The following PHLPP2 variants were observed in gnomAD, a reference collection of about 807,000 sequenced individuals.
PHLPP2 encodes the protein PH domain leucine-rich repeat-containing protein phosphatase 2.
PHLPP2 carries 66 observed loss-of-function variants against 124.9 expected under a neutral mutation model. The ratio of observed to expected loss-of-function variants is 0.53; its 90% CI spans 0.43 to 0.65. The LOEUF (loss-of-function observed/expected upper bound fraction) is 0.65. Ranked by LOEUF, PHLPP2 falls within the 30% of genes least tolerant of loss-of-function variation. PHLPP2 has a pLI of 0.00. For missense variants in PHLPP2, 1,685 were observed against 1,600.4 expected (o/e 1.05, Z -0.90); for synonymous variants, 681 against 624.7 (o/e 1.09, Z -1.34).
rs1231154398 is a variant in PHLPP2 at position 71,649,668 on chromosome 16, GGGGCATCCTTGATAGTGGT to G, written c.3175_3193del (p.Thr1059LeufsTer25). 1.2e-6 allele frequency: 2 copies of G among 1,614,004 alleles called. No individual in the cohort carries two copies. The highest frequency in any genetic ancestry group is 1.7e-6 in the Non-Finnish European group (2 of 1,180,026). On this transcript the variant is annotated frameshift_variant, in exon 19 of 19. Coordinates refer to ENST00000568954, the MANE Select transcript of PHLPP2 (RefSeq NM_015020.3). LOFTEE classifies it high-confidence loss of function. ...GCTAGAGGATGGAGTGGCTGGCTTA[GGGGCATCCTTGATAGTGGT>G]GGTTGAAGCAAATCCCACAGGACCT...
At chr16:71,685,031 C>T (rs1052502655) in intron 4 of PHLPP2, among the ~76,000 whole-genome samples, 2 of 152,060 alleles carry the variant, frequency 1.3e-5, no homozygotes, top group African/African-American at 4.8e-5. Flanking sequence ...AAAATAGCTC[C>T]TTAAAGAAAT....
At chr16:71,667,146 T>G (rs2044846278) in intron 12 of PHLPP2, 32 bp downstream of exon 12, 1 of 1,588,676 alleles carries the variant, frequency 6.3e-7, no homozygotes, top group Non-Finnish European at 8.6e-7. Flanking sequence ...CCAATGATTC[T>G]GCTCTTCCGA....
intron 18 of PHLPP2, 101 bp from the exon 19 acceptor site, chr16:71,650,145 A>G: frequency 1.3e-6 from 1 of 798,298 alleles, no homozygotes; most frequent in South Asian, 1.9e-5. Flanking sequence ...AAAACAATTT[A>G]TATATGATTT....
Position 71,688,778 on chromosome 16 carries a change from T to A in PHLPP2, c.609+1741A>T, listed in dbSNP as rs528802988. ...AAGCAACTCTACTTACTTTCTTCACTTTGTCCTTCAGCCCCTAAGACCTCA... is the reference window on the plus strand; with the variant it reads ...AAGCAACTCTACTTACTTTCTTCACATTGTCCTTCAGCCCCTAAGACCTCA... On this transcript the variant is annotated intron_variant, in intron 4 of 18. Coordinates refer to ENST00000568954, the MANE Select transcript of PHLPP2 (RefSeq NM_015020.3). Among the ~76,000 whole-genome samples, 8 of 152,308 alleles carry A rather than the reference T, an allele frequency of 5.3e-5. No homozygotes were observed. In the East Asian group the frequency reaches 1.5e-3, roughly 29 times the overall value.
At chr16:71,651,881 T>C (rs1207821376) in intron 18 of PHLPP2, among the ~76,000 whole-genome samples, 2 of 152,206 alleles carry the variant, frequency 1.3e-5, no homozygotes, top group African/African-American at 4.8e-5. Flanking sequence ...TTTTCACAAA[T>C]ATTAACTCAA....
At chr16:71,708,479 T>C (rs1014139359) in intron 2 of PHLPP2, among the ~76,000 whole-genome samples, 1 of 152,188 alleles carries the variant, frequency 6.6e-6, no homozygotes, top group East Asian at 1.9e-4. Context: ...TGCTGATTCC[T>C]TTTTCCGACT....
chr16:71,723,528 A>C (rs2045411619), intron 1 of PHLPP2: 4 of 170,834 alleles, frequency 2.3e-5, no homozygotes, highest in Non-Finnish European at 2.5e-5. Context: ...GCGCGCGGCC[A>C]GGGATGGGCA....
At chr16:71,712,128 G>C (rs1427607276) in intron 2 of PHLPP2, among the ~76,000 whole-genome samples, 2 of 152,228 alleles carry the variant, frequency 1.3e-5, no homozygotes, top group Non-Finnish European at 2.9e-5. Flanking sequence ...GATTTAATGA[G>C]AAAATGTGCA....
In PHLPP2 at chr16:71,658,301, T is replaced by C. The variant is rs2030868663; in HGVS notation, c.2211A>G (p.Thr737=). ...TTCCAGTCAGGTCAAGGTCTTGTAA[T>C]GTAGCAGGCAAAGCCTCTGGAATCA... is the stretch of plus-strand genomic sequence containing the variant. ...EILIPEALPA[T]LQDLDLTGNT... is the part of the protein sequence containing the mutation. Residue 737 remains threonine, a synonymous_variant, in exon 15 of 19, where the codon ACA becomes ACG. Transcript: ENST00000568954. The C allele has an allele frequency of 1.2e-6, 2 of 1,613,656 alleles. No homozygotes were observed. Among genetic ancestry groups the C allele is most frequent in the Middle Eastern group, 1.6e-4 (1 of 6,082 alleles).
At position 71,647,148 on chromosome 16, in the gene PHLPP2, G is replaced by A. The variant is rs1403225191; in HGVS notation, c.*1742C>T. The A allele has an allele frequency of 6.6e-6, 1 of 152,558 alleles. No individual in the cohort carries two copies. The highest frequency in any genetic ancestry group is 1.5e-5 in the Non-Finnish European group (1 of 68,030). The allele number at this position is 152,558 out of a possible 1,614,324, so 9.5% of individuals were successfully genotyped here. ...CTACTTTATTTTTAATTGTAAAAGT[G>A]TTCCAAAAATTCAAAGCACATTCCC... On this transcript the variant is annotated 3_prime_UTR_variant, in exon 19 of 19. Transcript: ENST00000568954.
intron 2 of PHLPP2, among the ~76,000 whole-genome samples, chr16:71,705,497 T>TTTTTTC (rs780469762): frequency 6.0e-4 from 91 of 152,186 alleles, no homozygotes; most frequent in Middle Eastern, 3.4e-3. Flanking sequence ...CACATGTCTT[T>TTTTTTC]TTTTTCTTTT....
At chr16:71,719,470 G>A (rs889248954) in intron 1 of PHLPP2, among the ~76,000 whole-genome samples, 2 of 152,208 alleles carry the variant, frequency 1.3e-5, no homozygotes, top group East Asian at 3.9e-4. Context: ...AACACAGTAG[G>A]TGGAGACTGC....
intron 16 of PHLPP2, 40 bp downstream of exon 16, chr16:71,656,531 G>T: frequency 1.7e-6 from 2 of 1,194,076 alleles, no homozygotes; most frequent in Non-Finnish European, 2.5e-6. Context: ...GCCAGGGGCT[G>T]CCTTTTTTCT....
chr16:71,700,050 T>C (rs373780565), intron 3 of PHLPP2, among the ~76,000 whole-genome samples: 3 of 152,240 alleles, frequency 2.0e-5, no homozygotes, highest in African/African-American at 7.2e-5. Context: ...GTAAATGGGG[T>C]ACCCCTGTCA....
At chr16:71,659,734 G>C (rs1057222013) in intron 13 of PHLPP2, among the ~76,000 whole-genome samples, 9 of 152,268 alleles carry the variant, frequency 5.9e-5, no homozygotes, top group African/African-American at 2.2e-4. Context: ...ACTTAAGTGA[G>C]ACTAACACCT....
At chr16:71,712,458 T>C (rs1445453002) in intron 2 of PHLPP2, among the ~76,000 whole-genome samples, 1 of 152,224 alleles carries the variant, frequency 6.6e-6, no homozygotes, top group African/African-American at 2.4e-5. Flanking sequence ...TTTCTTCGTA[T>C]TTCTAATATC....
chr16:71,648,467 G>A lies in PHLPP2; in HGVS notation c.*423C>T, dbSNP rs1041724870. 5.6e-6 allele frequency: 1 copy of A among 178,826 alleles called. No homozygotes were observed. Among genetic ancestry groups the A allele is most frequent in the African/African-American group, 2.4e-5 (1 of 42,238 alleles). 11.1% of individuals were successfully genotyped at this position (178,826 alleles called of 1,614,324 possible). On this transcript the variant is annotated 3_prime_UTR_variant, in exon 19 of 19. Coordinates refer to ENST00000568954, the MANE Select transcript of PHLPP2 (RefSeq NM_015020.3). ...TCCGAGTTCAACCCCACACAGCTAT[G>A]GTTTAGAAATGTAGACGCAGGGCTG...
At chr16:71,711,992 T>A (rs1167551810) in intron 2 of PHLPP2, among the ~76,000 whole-genome samples, 1 of 152,262 alleles carries the variant, frequency 6.6e-6, no homozygotes, top group Non-Finnish European at 1.5e-5. Context: ...CTACCTTGAA[T>A]GATTCAGGCA....
chr16:71,707,276 A>G (rs922352685), intron 2 of PHLPP2, among the ~76,000 whole-genome samples: 1 of 151,928 alleles, frequency 6.6e-6, no homozygotes, highest in African/African-American at 2.4e-5. Flanking sequence ...TTTTTTACGC[A>G]CCACTGCTGA....
Sources: gnomAD v4.1 joint callset for allele counts (sites outside exome capture counted in the v4.1 genomes callset) on GRCh38, gnomAD v4.1.1 for gene constraint, MANE v1.5 for transcripts, NCBI Gene and HGNC (gene_info 2026-07-23, HGNC 2026-07-21) for gene names.